Variants in CRYAB observed in about 807,000 individuals in gnomAD.
CRYAB encodes the protein alpha-crystallin B chain.
A neutral mutation model predicts 12.7 loss-of-function variants in CRYAB; 9 were observed. The observed-to-expected ratio is 0.71, with a 90% CI of 0.43 to 1.24. The LOEUF (loss-of-function observed/expected upper bound fraction) is 1.24. CRYAB is among the 50% of genes most tolerant of loss of function. The probability of loss-of-function intolerance (pLI) is 0.00; values close to 1 mark genes in which losing one functional copy is unlikely to be tolerated. For missense variants in CRYAB, 183 were observed against 226.6 expected (o/e 0.81, Z 1.24); for synonymous variants, 93 against 86.8 (o/e 1.07, Z -0.40).
upstream of CRYAB, chr11:111,913,206 C>G (rs1439406630): frequency 7.0e-5 from 42 of 603,044 alleles, no homozygotes; most frequent in Non-Finnish European, 1.1e-4. Flanking sequence ...TTGGTGCCTC[C>G]TCCTCCTCCC....
chr11:111,911,642 A>G lies in CRYAB; in HGVS notation c.83T>C (p.Phe28Ser), dbSNP rs1555165582. The G allele has an allele frequency of 6.2e-7, 1 of 1,611,666 alleles. No individual in the cohort carries two copies. Among genetic ancestry groups the G allele is most frequent in the South Asian group, 1.1e-5 (1 of 90,398 alleles). Residue 28 changes from phenylalanine to serine, a missense_variant, in exon 1 of 3, where the codon TTC becomes TCC. Phe to Ser is a radical substitution (Grantham distance 155). Coordinates refer to ENST00000650687, the MANE Select transcript of CRYAB (RefSeq NM_001289808.2). ...HSPSRLFDQF[F>S]GEHLLESDLF... Reference sequence around the variant, plus strand: ...ATCAGACTCCAACAGGTGCTCTCCGAAGAACTGGTCAAAGAGGCGGCTGGG... The same window carrying G: ...ATCAGACTCCAACAGGTGCTCTCCGGAGAACTGGTCAAAGAGGCGGCTGGG...
upstream of CRYAB, chr11:111,913,882 T>G: frequency 6.2e-7 from 1 of 1,608,620 alleles, no homozygotes; most frequent in South Asian, 1.1e-5. Flanking sequence ...GAGGCAGCCA[T>G]AGTTGAGCCC....
In CRYAB at chr11:111,908,887, T is replaced by A. The variant is rs1592506234; in HGVS notation, c.405A>T (p.Ser135=). Reference sequence around the variant, plus strand: ...TGAGGACCCCATCAGATGACAGGGATGAAGTAATGGTGAGAGGGTCTACAT... The same window carrying A: ...TGAGGACCCCATCAGATGACAGGGAAGAAGTAATGGTGAGAGGGTCTACAT... The part of the protein sequence containing the change: ...PADVDPLTIT[S]SLSSDGVLTV... The change falls in exon 3 of 3, where the codon TCA becomes TCT. Residue 135 remains serine, a synonymous_variant. Transcript: ENST00000650687. The A allele has an allele frequency of 1.1e-5, 18 of 1,614,124 alleles. No homozygotes were observed. The highest frequency in any genetic ancestry group is 1.5e-5 in the Non-Finnish European group (18 of 1,180,042).
intron 2 of CRYAB, chr11:111,909,957 GGA>G (rs1393064431): frequency 1.4e-4 from 84 of 589,820 alleles, no homozygotes; most frequent in Non-Finnish European, 2.7e-5. Context: ...TAATTGGTCT[GGA>G]GTAGTGCTCG....
At chr11:111,916,835 CTTTTCTTTTCTTTTCCTTT>C (rs1333105372), upstream of CRYAB, among the ~76,000 whole-genome samples, 1 of 151,586 alleles carries the variant, frequency 6.6e-6, no homozygotes, top group South Asian at 2.1e-4. Context: ...ATTTCCTTTC[CTTTTCTTTTCTTTTCCTTT>C]TTTTCTTTTC....
chr11:111,918,847 G>A, intron 1 of CRYAB: 2 of 1,116,914 alleles, frequency 1.8e-6, no homozygotes, highest in Admixed American at 2.0e-5. Flanking sequence ...AGTCCAACCT[G>A]CTAGGTTGAA....
chr11:111,919,094 T>C, intron 1 of CRYAB: 3 of 1,457,316 alleles, frequency 2.1e-6, no homozygotes, highest in Non-Finnish European at 2.8e-6. Flanking sequence ...GATAGTTGTC[T>C]GCCAGCCTCC....
At chr11:111,919,693 A>T (rs1362745495) in intron 1 of CRYAB, among the ~76,000 whole-genome samples, 1 of 152,166 alleles carries the variant, frequency 6.6e-6, no homozygotes, top group Non-Finnish European at 1.5e-5. Flanking sequence ...TTTATGAGGT[A>T]AATGGTTTTG....
intron 1 of CRYAB, among the ~76,000 whole-genome samples, chr11:111,919,778 G>T (rs587621249): frequency 6.6e-6 from 1 of 152,316 alleles, no homozygotes; most frequent in Admixed American, 6.5e-5. Flanking sequence ...AGGTCACATG[G>T]CTGGTAAGCA....
upstream of CRYAB, chr11:111,911,813 A>C (rs1193294695): frequency 1.2e-6 from 1 of 868,608 alleles, no homozygotes; most frequent in Non-Finnish European, 1.9e-6. Flanking sequence ...AGTCTTGTGA[A>C]GCTTCTGGAA....
Position 111,910,853 on chromosome 11 carries a change from G to C in CRYAB, c.202-404C>G, listed in dbSNP as rs544370182. ...CCCACCCAATCTGGAATGTTCTGCT[G>C]GTCCTGCTTGTCCTTCCAAAGCCCT... On this transcript the variant is annotated intron_variant, in intron 1 of 2. Coordinates refer to ENST00000650687, the MANE Select transcript of CRYAB (RefSeq NM_001289808.2). 238 of 318,822 alleles carry C rather than the reference G, an allele frequency of 7.5e-4. 3 individuals carry two copies. Among genetic ancestry groups the C allele is most frequent in the South Asian group, 7.2e-3 (234 of 32,616 alleles). 19.7% of individuals were successfully genotyped at this position (318,822 alleles called of 1,614,324 possible). A position where few individuals can be genotyped will look rare whatever the true frequency, so the allele number is the denominator to read the frequency against.
chr11:111,919,109 G>A (rs1965645380), intron 1 of CRYAB: 3 of 1,265,650 alleles, frequency 2.4e-6, no homozygotes, highest in African/African-American at 1.5e-5. Context: ...GCCTCCCACT[G>A]CCACCTTCCT....
chr11:111,919,264 G>C (rs1965648589), intron 1 of CRYAB: 3 of 488,570 alleles, frequency 6.1e-6, no homozygotes, highest in Non-Finnish European at 1.1e-5. Flanking sequence ...CACGAGGTCA[G>C]TAGATCGAGA....
chr11:111,911,649 G>C lies in CRYAB; in HGVS notation c.76C>G (p.Gln26Glu), dbSNP rs1965461881. The stretch of plus-strand genomic sequence containing the variant: ...TCCAACAGGTGCTCTCCGAAGAACT[G>C]GTCAAAGAGGCGGCTGGGGGAGTGG... Reference protein sequence around the residue: ...PFHSPSRLFDQFFGEHLLESD... With the variant: ...PFHSPSRLFDEFFGEHLLESD... Residue 26 changes from glutamine (Q) to glutamate (E), a missense_variant, in exon 1 of 3, where the codon CAG becomes GAG. Gln to Glu is a conservative substitution (Grantham distance 29). Coordinates refer to ENST00000650687, the MANE Select transcript of CRYAB (RefSeq NM_001289808.2). The C allele has an allele frequency of 1.2e-6, 2 of 1,610,802 alleles. No individual in the cohort carries two copies. The highest frequency in any genetic ancestry group is 1.7e-6 in the Non-Finnish European group (2 of 1,178,734).
intron 1 of CRYAB, among the ~76,000 whole-genome samples, chr11:111,919,858 G>A (rs1965660869): frequency 6.6e-6 from 1 of 152,146 alleles, no homozygotes; most frequent in Admixed American, 6.5e-5. Flanking sequence ...GCATAATATT[G>A]CCTCTTAGAT....
At chr11:111,916,183 A>G (rs1965594776), upstream of CRYAB, among the ~76,000 whole-genome samples, 1 of 151,950 alleles carries the variant, frequency 6.6e-6, no homozygotes, top group African/African-American at 2.4e-5. Context: ...TTTAAAGATA[A>G]CCATCCTGTC....
upstream of CRYAB, chr11:111,913,845 G>T (rs781982989): frequency 1.9e-6 from 3 of 1,613,666 alleles, no homozygotes; most frequent in South Asian, 3.3e-5. Flanking sequence ...CCTGCTCCCT[G>T]CGCCTCCTGA....
rs11549439 is a variant in CRYAB at position 111,911,668 on chromosome 11, G to T, written c.57C>A (p.Ser19=). The T allele has an allele frequency of 1.2e-6, 2 of 1,607,720 alleles. No individual in the cohort carries two copies. The highest frequency in any genetic ancestry group is 1.7e-6 in the Non-Finnish European group (2 of 1,177,330). The change falls in exon 1 of 3, where the codon TCC becomes TCA. Residue 19 remains serine (S), a synonymous_variant. Transcript: ENST00000650687. ...WIRRPFFPFH[S]PSRLFDQFFG... ...AGAACTGGTCAAAGAGGCGGCTGGG[G>T]GAGTGGAAAGGAAAGAAGGGGCGGC...
Position 111,910,884 on chromosome 11 carries a change from A to G in CRYAB, c.202-435T>C, listed in dbSNP as rs571574475. On this transcript the variant is annotated intron_variant, in intron 1 of 2. Transcript: ENST00000650687. ...GCTTGTCCTTCCAAAGCCCTTGCCCACTCAGCTCCTGTTTACTCACACTTG... is the reference window on the plus strand; with the variant it reads ...GCTTGTCCTTCCAAAGCCCTTGCCCGCTCAGCTCCTGTTTACTCACACTTG... The G allele has an allele frequency of 1.4e-5, 4 of 283,308 alleles. No homozygotes were observed. The South Asian group carries it at 1.6e-4, about 11-fold the overall frequency. The allele number at this position is 283,308 out of a possible 1,614,324, so 17.5% of individuals were successfully genotyped here.
Sources: gnomAD v4.1 joint callset for allele counts (sites outside exome capture counted in the v4.1 genomes callset) on GRCh38, gnomAD v4.1.1 for gene constraint, MANE v1.5 for transcripts, NCBI Gene and HGNC (gene_info 2026-07-23, HGNC 2026-07-21) for gene names.